Variants in BMPR1A observed in about 807,000 individuals in gnomAD.
BMPR1A encodes bone morphogenetic protein receptor type-1A.
BMPR1A carries 7 observed loss-of-function variants against 66.0 expected under a neutral mutation model. The observed-to-expected ratio is 0.11, with a 90% confidence interval of 0.06 to 0.20. BMPR1A has a LOEUF of 0.20. Ranked by LOEUF, BMPR1A falls within the 10% of genes least tolerant of loss-of-function variation. BMPR1A has a pLI of 1.00. For missense variants in BMPR1A, 408 were observed against 669.1 expected (o/e 0.61, Z 4.31); for synonymous variants, 200 against 229.7 (o/e 0.87, Z 1.17).
chr10:86,800,009 A>G (rs538644812), intron 1 of BMPR1A, among the ~76,000 whole-genome samples: 1 of 152,200 alleles, frequency 6.6e-6, no homozygotes. Context: ...AACAAGAAAA[A>G]GAATAGTAGA....
chr10:86,924,838 G>C lies in BMPR1A; in HGVS notation c.*1119G>C. 1 of 232,448 alleles carries C rather than the reference G, an allele frequency of 4.3e-6. No individual in the cohort carries two copies. The highest frequency in any genetic ancestry group is 8.5e-6 in the Non-Finnish European group (1 of 117,622). 14.4% of individuals were successfully genotyped at this position (232,448 alleles called of 1,614,324 possible). A position where few individuals can be genotyped will look rare whatever the true frequency, so the allele number is the denominator to read the frequency against. On this transcript the variant is annotated 3_prime_UTR_variant, in exon 13 of 13. Transcript: ENST00000372037. The stretch of plus-strand genomic sequence containing the variant: ...ATATCCCATCCTTAAGAGAAGAAAT[G>C]TTATAAAGTAGAACTAAATATAAAT...
chr10:86,773,592 A>G (rs538680066), intron 1 of BMPR1A, among the ~76,000 whole-genome samples: 1,314 of 105,480 alleles, frequency 0.012, 9 homozygotes, highest in Middle Eastern at 0.031. Context: ...ACTCCGTCTC[A>G]GAAAGAAAAA....
chr10:86,835,948 G>A (rs1192068149), intron 1 of BMPR1A, among the ~76,000 whole-genome samples: 1 of 152,182 alleles, frequency 6.6e-6, no homozygotes, highest in African/African-American at 2.4e-5. Context: ...ATGAATGTTA[G>A]AATATATTTA....
intron 1 of BMPR1A, among the ~76,000 whole-genome samples, chr10:86,817,531 T>G (rs951046106): frequency 6.6e-6 from 1 of 152,242 alleles, no homozygotes; most frequent in Non-Finnish European, 1.5e-5. Context: ...TTAGCTGTTG[T>G]GAATAATGCT....
rs550294179 is a variant in BMPR1A at position 86,773,517 on chromosome 10, C to T, written c.-268+16598C>T. ...CTGAGGCAAGAGAATCACTTGAACC[C>T]GGGAGGTGGAGGTTGCAGTGAGCCG... On this transcript the variant is annotated intron_variant, in intron 1 of 12. Coordinates refer to ENST00000372037, the MANE Select transcript of BMPR1A (RefSeq NM_004329.3). 4.2e-4 allele frequency among the ~76,000 whole-genome samples: 63 copies of T among 149,372 alleles called. No individual in the cohort carries two copies. In the South Asian group the frequency reaches 0.012, roughly 29 times the overall value.
rs1191401355 is a variant in BMPR1A, at chr10:86,926,255, C to T, written c.*2536C>T. The T allele has an allele frequency of 1.3e-5, 2 of 154,772 alleles. No homozygotes were observed. Among genetic ancestry groups the T allele is most frequent in the African/African-American group, 4.8e-5 (2 of 41,550 alleles). 9.6% of individuals were successfully genotyped at this position (154,772 alleles called of 1,614,324 possible). A position where few individuals can be genotyped will look rare whatever the true frequency, so the allele number is the denominator to read the frequency against. ...CTAAAAATGTGGCCGGGCGCGGTGG[C>T]TCACGCCTGTAATCCCAACACTTTG... On this transcript the variant is annotated 3_prime_UTR_variant, in exon 13 of 13. Coordinates refer to ENST00000372037, the MANE Select transcript of BMPR1A (RefSeq NM_004329.3).
downstream of BMPR1A, chr10:86,929,876 A>T (rs570249206): frequency 6.6e-6 from 1 of 152,384 alleles, no homozygotes; most frequent in East Asian, 1.9e-4. Flanking sequence ...AATAGGTTTA[A>T]TCCTTGTAGA....
chr10:86,911,313 G>A (rs1843480718), intron 7 of BMPR1A, among the ~76,000 whole-genome samples: 2 of 152,202 alleles, frequency 1.3e-5, no homozygotes, highest in African/African-American at 4.8e-5. Flanking sequence ...GCCATAAAGA[G>A]AATGCTGTGA....
chr10:86,907,221 T>C (rs1843407977), intron 7 of BMPR1A, among the ~76,000 whole-genome samples: 2 of 152,262 alleles, frequency 1.3e-5, no homozygotes, highest in African/African-American at 4.8e-5. Context: ...TGCTTTTTAA[T>C]GGGTCTCATA....
intron 2 of BMPR1A, among the ~76,000 whole-genome samples, chr10:86,861,799 G>T (rs1297686908): frequency 1.3e-5 from 2 of 152,162 alleles, no homozygotes; most frequent in African/African-American, 2.4e-5. Flanking sequence ...TTTCCTCACC[G>T]GATCTTGACA....
chr10:86,782,727 G>A (rs1210755909), intron 1 of BMPR1A, among the ~76,000 whole-genome samples: 1 of 151,712 alleles, frequency 6.6e-6, no homozygotes, highest in East Asian at 1.9e-4. Flanking sequence ...TGAGTTGTAG[G>A]AGTTTTTTTT....
intron 3 of BMPR1A, among the ~76,000 whole-genome samples, chr10:86,877,121 T>G (rs1483599321): frequency 6.6e-6 from 1 of 152,192 alleles, no homozygotes; most frequent in Admixed American, 6.5e-5. Flanking sequence ...GGTTGCTTTT[T>G]CCTAATGTTT....
At chr10:86,804,595 A>G (rs1454918070) in intron 1 of BMPR1A, among the ~76,000 whole-genome samples, 2 of 152,096 alleles carry the variant, frequency 1.3e-5, no homozygotes, top group Non-Finnish European at 2.9e-5. Context: ...GGGGATTAGG[A>G]CTTTAATATA....
At chr10:86,859,058 C>T (rs1258965374) in intron 2 of BMPR1A, among the ~76,000 whole-genome samples, 1 of 152,172 alleles carries the variant, frequency 6.6e-6, no homozygotes. Context: ...CAGCATGGTA[C>T]TAGCATAAAA....
At chr10:86,835,549 C>CAAAAAAAAAAAAAAAAAAAAA (rs55804247) in intron 1 of BMPR1A, among the ~76,000 whole-genome samples, 14 of 44,338 alleles carry the variant, frequency 3.2e-4, no homozygotes, top group Non-Finnish European at 4.3e-4. Flanking sequence ...GACTCTGTAT[C>CAAAAAAAAAAAAAAAAAAAAA]AAAAAAAAAA....
intron 1 of BMPR1A, among the ~76,000 whole-genome samples, chr10:86,826,407 A>G (rs545087516): frequency 4.4e-4 from 46 of 104,356 alleles, no homozygotes; most frequent in Middle Eastern, 5.1e-3. Flanking sequence ...AAACCAATCA[A>G]GGAAACACAC....
chr10:86,819,257 A>G (rs1351606774), intron 1 of BMPR1A, among the ~76,000 whole-genome samples: 2 of 152,146 alleles, frequency 1.3e-5, no homozygotes, highest in Non-Finnish European at 2.9e-5. Context: ...TTTTGTAACA[A>G]TTGGCTTGTC....
intron 2 of BMPR1A, among the ~76,000 whole-genome samples, chr10:86,866,529 C>T (rs1842790339): frequency 6.7e-6 from 1 of 149,726 alleles, no homozygotes; most frequent in Non-Finnish European, 1.5e-5. Flanking sequence ...CTGCCTCAGC[C>T]TCCTGAGTAG....
At chr10:86,904,690 G>A (rs1843360250) in intron 7 of BMPR1A, among the ~76,000 whole-genome samples, 1 of 152,120 alleles carries the variant, frequency 6.6e-6, no homozygotes, top group Non-Finnish European at 1.5e-5. Flanking sequence ...AAGTGACCCT[G>A]GCACAAACTA....
Sources: allele counts gnomAD v4.1 joint callset (sites outside exome capture counted in the v4.1 genomes callset), GRCh38; gene constraint gnomAD v4.1.1; transcripts MANE v1.5; gene names NCBI Gene and HGNC (gene_info 2026-07-23, HGNC 2026-07-21).